The following ZFP69B variants were observed in gnomAD, a reference collection of about 807,000 sequenced individuals.
ZFP69B encodes the protein zinc finger protein 69 homolog B.
A neutral mutation model predicts 19.7 loss-of-function variants in ZFP69B; 20 were observed. The observed-to-expected ratio is 1.02, with a 90% confidence interval of 0.71 to 1.48. The LOEUF (loss-of-function observed/expected upper bound fraction) is 1.48. ZFP69B is among the 40% of genes most tolerant of loss of function. ZFP69B has a pLI of 0.00. For missense variants in ZFP69B, 583 were observed against 632.6 expected (o/e 0.92, Z 0.84); for synonymous variants, 220 against 222.7 (o/e 0.99, Z 0.11).
At chr1:40,453,732 C>G (rs925302436) in intron 1 of ZFP69B, among the ~76,000 whole-genome samples, 1 of 151,978 alleles carries the variant, frequency 6.6e-6, no homozygotes, top group Non-Finnish European at 1.5e-5. Flanking sequence ...ATTAGTTGGG[C>G]GTGGTGTCAC....
At chr1:40,462,330 G>GTA in intron 4 of ZFP69B, 91 bp from the exon 5 acceptor site, 2 of 1,190,858 alleles carry the variant, frequency 1.7e-6, no homozygotes, top group Middle Eastern at 2.1e-4. Flanking sequence ...CCTGTACCTA[G>GTA]TATATATATT....
chr1:40,457,460 G>A (rs776517121), intron 4 of ZFP69B, 21 bp downstream of exon 4: 2 of 1,606,304 alleles, frequency 1.2e-6, no homozygotes, highest in South Asian at 1.1e-5. Flanking sequence ...GGCAGGTGGG[G>A]CCTTTGTGAT....
chr1:40,451,104 T>G lies in ZFP69B; in HGVS notation c.127+16T>G. On this transcript the variant is annotated intron_variant, in intron 1 of 4. Transcript: ENST00000361584. ...AAAGCAGAAGGTAAGAATAAACTGA[T>G]GGGTGGGAGGGAGGAAAAGCAGTCC... is the stretch of plus-strand genomic sequence containing the variant. The G allele has an allele frequency of 6.6e-7, 1 of 1,513,046 alleles. No individual in the cohort carries two copies. Among genetic ancestry groups the G allele is most frequent in the Non-Finnish European group, 8.9e-7 (1 of 1,124,658 alleles). 93.7% of individuals were successfully genotyped at this position (1,513,046 alleles called of 1,614,324 possible).
rs540792456 is a variant in ZFP69B, at chr1:40,456,275, C to T, written c.214-670C>T. Among the ~76,000 whole-genome samples the T allele has an allele frequency of 4.6e-5, 7 of 152,220 alleles. No individual in the cohort carries two copies. The South Asian group carries it at 1.2e-3, about 27-fold the overall frequency. ...ACAGTCTCCCCAGCATCTGTTGTTC[C>T]CTGACTTTTTAATGATCACCATTCT... On this transcript the variant is annotated intron_variant, in intron 2 of 4. Coordinates refer to ENST00000361584, the MANE Select transcript of ZFP69B (RefSeq NM_023070.3).
chr1:40,454,737 C>A (rs556758039), intron 2 of ZFP69B, among the ~76,000 whole-genome samples: 10 of 152,312 alleles, frequency 6.6e-5, no homozygotes, highest in African/African-American at 2.4e-4. Flanking sequence ...GAAAACCAGG[C>A]CACATCAGTT....
At chr1:40,458,720 A>C (rs895729434) in intron 4 of ZFP69B, among the ~76,000 whole-genome samples, 3 of 151,992 alleles carry the variant, frequency 2.0e-5, no homozygotes, top group Admixed American at 2.0e-4. Context: ...GGGTTTCGCT[A>C]TGTTGGCCAG....
chr1:40,458,302 A>T (rs771347479), intron 4 of ZFP69B, among the ~76,000 whole-genome samples: 1 of 151,912 alleles, frequency 6.6e-6, no homozygotes. Flanking sequence ...CTAGTTTAAT[A>T]ATTTTTGTCT....
chr1:40,458,287 A>G (rs1294698057), intron 4 of ZFP69B, among the ~76,000 whole-genome samples: 9 of 152,182 alleles, frequency 5.9e-5, no homozygotes, highest in Admixed American at 5.9e-4. Context: ...CCTTTCCTCT[A>G]TCAACTAGTT....
intron 4 of ZFP69B, 102 bp from the exon 5 acceptor site, chr1:40,462,319 T>C (rs752360692): frequency 1.9e-6 from 2 of 1,077,536 alleles, no homozygotes; most frequent in Non-Finnish European, 2.6e-6. Flanking sequence ...GATCCAGAAC[T>C]CCTGTACCTA....
chr1:40,454,406 C>A, intron 2 of ZFP69B, 118 bp downstream of exon 2: 1 of 746,544 alleles, frequency 1.3e-6, no homozygotes, highest in Non-Finnish European at 1.9e-6. Context: ...TTCTTTTTTT[C>A]ATTATTTTTT....
Position 40,462,883 on chromosome 1 carries a change from T to C in ZFP69B, c.899T>C (p.Ile300Thr). ...ATTCACCTTACTGAACACATGAGAA[T>C]TCATACCGGGGAGAAACCTTTCAGA... ...QLIHLTEHMR[I>T]HTGEKPFRCK... The change falls in exon 5 of 5, where the codon ATT (isoleucine) becomes ACT (threonine). Residue 300 changes from isoleucine (I) to threonine (T), a missense_variant. Ile to Thr is a moderately conservative substitution (Grantham distance 89, BLOSUM62 -1). Transcript: ENST00000361584. 6.2e-7 allele frequency: 1 copy of C among 1,614,164 alleles called. No homozygotes were observed. The highest frequency in any genetic ancestry group is 8.5e-7 in the Non-Finnish European group (1 of 1,180,026).
At chr1:40,462,208 C>T (rs1645291508) in intron 4 of ZFP69B, among the ~76,000 whole-genome samples, 1 of 152,162 alleles carries the variant, frequency 6.6e-6, no homozygotes, top group Non-Finnish European at 1.5e-5. Context: ...GCATGAGCCA[C>T]CGCACCTGGT....
In ZFP69B at chr1:40,451,035, C is replaced by G; in HGVS notation, c.74C>G (p.Ala25Gly). 6.5e-7 allele frequency: 1 copy of G among 1,549,374 alleles called. No homozygotes were observed. Among genetic ancestry groups the G allele is most frequent in the Non-Finnish European group, 8.7e-7 (1 of 1,146,032 alleles). Reference protein sequence around the residue: ...TWVKLRHPKAATERVALWEDV... With the variant: ...TWVKLRHPKAGTERVALWEDV... Reference sequence around the variant, plus strand: ...GTGAAGTTGCGTCATCCAAAGGCGGCCACGGAGCGGGTGGCCCTGTGGGAG... The same window carrying G: ...GTGAAGTTGCGTCATCCAAAGGCGGGCACGGAGCGGGTGGCCCTGTGGGAG... The change falls in exon 1 of 5, where the codon GCC (alanine) becomes GGC (glycine). Residue 25 changes from alanine to glycine, a missense_variant. By Grantham distance (60) the Ala-to-Gly change is moderately conservative (BLOSUM62 0). Coordinates refer to ENST00000361584, the MANE Select transcript of ZFP69B (RefSeq NM_023070.3).
intron 1 of ZFP69B, among the ~76,000 whole-genome samples, chr1:40,451,659 G>C (rs961888772): frequency 6.8e-6 from 1 of 147,354 alleles, no homozygotes; most frequent in South Asian, 2.3e-4. Flanking sequence ...GACGTGGGGG[G>C]GGGGGAATTC....
At position 40,451,123 on chromosome 1, in the gene ZFP69B, G is replaced by A; in HGVS notation, c.127+35G>A. On this transcript the variant is annotated intron_variant, in intron 1 of 4. Transcript: ENST00000361584. Reference sequence around the variant, plus strand: ...AACTGATGGGTGGGAGGGAGGAAAAGCAGTCCCCTCTAGTGTGAGAAGGAA... The same window carrying A: ...AACTGATGGGTGGGAGGGAGGAAAAACAGTCCCCTCTAGTGTGAGAAGGAA... 2.0e-6 allele frequency: 3 copies of A among 1,495,358 alleles called. No individual in the cohort carries two copies. The South Asian group carries it at 3.9e-5, about 19-fold the overall frequency. The allele number at this position is 1,495,358 out of a possible 1,614,324, so 92.6% of individuals were successfully genotyped here. A position where few individuals can be genotyped will look rare whatever the true frequency, so the allele number is the denominator to read the frequency against.
At chr1:40,455,738 C>A (rs1461610789) in intron 2 of ZFP69B, among the ~76,000 whole-genome samples, 1 of 152,160 alleles carries the variant, frequency 6.6e-6, no homozygotes, top group Non-Finnish European at 1.5e-5. Context: ...GATATTTCTC[C>A]TAATGCTATC....
At position 40,457,029 on chromosome 1, in the gene ZFP69B, C is replaced by G; in HGVS notation, c.298C>G (p.Arg100Gly). The change falls in exon 3 of 5, where the codon CGG (arginine) becomes GGG (glycine). Residue 100 changes from arginine (R) to glycine (G), a missense_variant. Coordinates refer to ENST00000361584, the MANE Select transcript of ZFP69B (RefSeq NM_023070.3). ...QLAPAHRNLY[R>G]EVMLENYGNL... ...GGCCCCTGCTCACCGGAATCTGTAC[C>G]GGGAGGTGATGCTGGAGAACTATGG... The G allele has an allele frequency of 6.2e-7, 1 of 1,612,046 alleles. No individual in the cohort carries two copies. The highest frequency in any genetic ancestry group is 8.5e-7 in the Non-Finnish European group (1 of 1,179,312).
At chr1:40,458,418 T>G (rs1645253384) in intron 4 of ZFP69B, among the ~76,000 whole-genome samples, 1 of 152,202 alleles carries the variant, frequency 6.6e-6, no homozygotes. Context: ...CTGTAATAAA[T>G]CGACTCCAAA....
rs759035216 is a variant in ZFP69B, at chr1:40,462,397, C to CT, written c.437-15dup. On this transcript the variant is annotated intron_variant, in intron 4 of 4. Coordinates refer to ENST00000361584, the MANE Select transcript of ZFP69B (RefSeq NM_023070.3). Reference sequence around the variant, plus strand: ...TTTTTAAAGTGCAAGGAATATGGATCTTTTTTTTTATTATTTCTTTCAGAC... The same window carrying CT: ...TTTTTAAAGTGCAAGGAATATGGATCTTTTTTTTTTATTATTTCTTTCAGAC... The CT allele has an allele frequency of 3.4e-4, 512 of 1,524,804 alleles. 2 individuals are homozygous for CT. In the Middle Eastern group the frequency reaches 3.5e-3, roughly 10 times the overall value. 94.5% of individuals were successfully genotyped at this position (1,524,804 alleles called of 1,614,324 possible).
Sources: allele counts gnomAD v4.1 joint callset (sites outside exome capture counted in the v4.1 genomes callset), GRCh38; gene constraint gnomAD v4.1.1; transcripts MANE v1.5; gene names NCBI Gene and HGNC (gene_info 2026-07-23, HGNC 2026-07-21).